Variants in APOOL observed in about 807,000 individuals in gnomAD.
APOOL encodes MICOS complex subunit MIC27.
In APOOL, 12 loss-of-function variants were observed where a neutral mutation model predicts 23.1. That is an observed-to-expected ratio of 0.52 (90% CI 0.33 to 0.84). The LOEUF is 0.84. APOOL is among the 40% of genes least tolerant of loss of function. The pLI is 0.02. For synonymous variants in APOOL, 77 were observed against 69.9 expected (o/e 1.10, Z -0.51); for missense variants, 212 against 199.6 (o/e 1.06, Z -0.37).
Position 85,046,569 on chromosome X carries a change from T to G in APOOL, c.120+19T>G. Reference sequence around the variant, plus strand: ...AGAGCAGGTAATTTGCCTACAAAGGTTTATGAACTTTGTATAATATCAAGA... The same window carrying G: ...AGAGCAGGTAATTTGCCTACAAAGGGTTATGAACTTTGTATAATATCAAGA... On this transcript the variant is annotated intron_variant, in intron 2 of 8. Coordinates refer to ENST00000373173, the MANE Select transcript of APOOL (RefSeq NM_198450.6). The G allele has an allele frequency of 8.9e-7, 1 of 1,118,571 alleles. No homozygotes were observed. Among genetic ancestry groups the G allele is most frequent in the Non-Finnish European group, 1.2e-6 (1 of 817,953 alleles). The allele number at this position is 1,118,571 out of a possible 1,213,427, so 92.2% of individuals were successfully genotyped here.
At chrX:85,006,298 A>C (rs1860767156) in intron 1 of APOOL, among the ~76,000 whole-genome samples, 1 of 101,225 alleles carries the variant, frequency 9.9e-6, no homozygotes, top group Non-Finnish European at 2.0e-5. Context: ...AATCCTCTTG[A>C]TGACCCTAAG....
chrX:85,063,708 A>G (rs1201321109), intron 5 of APOOL, among the ~76,000 whole-genome samples: 2 of 111,624 alleles, frequency 1.8e-5, no homozygotes, highest in African/African-American at 6.5e-5. Context: ...CATCCCAGGG[A>G]TGAAGCCAAC....
intron 1 of APOOL, among the ~76,000 whole-genome samples, chrX:85,024,962 G>T (rs773837406): frequency 9.8e-5 from 11 of 111,992 alleles, no homozygotes; most frequent in Non-Finnish European, 1.9e-4. Flanking sequence ...ACTGTGTTAG[G>T]CCATTTGTGC....
At chrX:85,079,402 G>T (rs1923992882) in intron 8 of APOOL, among the ~76,000 whole-genome samples, 1 of 111,712 alleles carries the variant, frequency 9.0e-6, no homozygotes, top group African/African-American at 3.3e-5. Context: ...TTATTGATTT[G>T]TGTATGTTGA....
intron 1 of APOOL, among the ~76,000 whole-genome samples, chrX:85,030,104 C>T (rs759464867): frequency 1.8e-5 from 2 of 112,030 alleles, no homozygotes; most frequent in Admixed American, 1.9e-4. Context: ...TGGAACCAAC[C>T]TAAATGCCCA....
chrX:85,046,462 C>T lies in APOOL; in HGVS notation c.32C>T (p.Thr11Ile). Residue 11 changes from threonine to isoleucine, a missense_variant, in exon 2 of 9, where the codon ACC (threonine) becomes ATC (isoleucine). Coordinates refer to ENST00000373173, the MANE Select transcript of APOOL (RefSeq NM_198450.6). Reference protein sequence around the residue: MAAIRMGKLTTMPAGLIYASV... With the variant: MAAIRMGKLTIMPAGLIYASV... ...CTTTCTTAGATGGGAAAACTGACAA[C>T]CATGCCTGCAGGTCTGATATATGCA... 8.3e-7 allele frequency: 1 copy of T among 1,204,188 alleles called. No homozygotes were observed. The highest frequency in any genetic ancestry group is 1.1e-6 in the Non-Finnish European group (1 of 892,448).
At chrX:85,012,462 A>G (rs1224751671) in intron 1 of APOOL, among the ~76,000 whole-genome samples, 1 of 111,020 alleles carries the variant, frequency 9.0e-6, no homozygotes, top group East Asian at 2.8e-4. Flanking sequence ...CCCATTTAGT[A>G]TGGTATTGGC....
intron 6 of APOOL, among the ~76,000 whole-genome samples, chrX:85,072,130 G>T (rs1319361765): frequency 8.1e-5 from 9 of 111,587 alleles, no homozygotes; most frequent in Non-Finnish European, 7.6e-5. Flanking sequence ...ACAAAAAAAA[G>T]AACTCCTATA....
intron 8 of APOOL, among the ~76,000 whole-genome samples, chrX:85,086,560 T>C (rs1924298682): frequency 1.8e-5 from 2 of 111,860 alleles, no homozygotes; most frequent in Non-Finnish European, 1.9e-5. Context: ...ATCCAGAATC[T>C]GGTACCTTTT....
intron 1 of APOOL, among the ~76,000 whole-genome samples, chrX:85,013,627 T>C (rs1475558845): frequency 8.9e-6 from 1 of 111,933 alleles, no homozygotes; most frequent in Non-Finnish European, 1.9e-5. Context: ...ATTTGTATAG[T>C]TTTGAGGGTT....
At chrX:85,007,550 A>G (rs974912446) in intron 1 of APOOL, among the ~76,000 whole-genome samples, 3 of 111,718 alleles carry the variant, frequency 2.7e-5, no homozygotes, top group African/African-American at 9.8e-5. Context: ...ATTTCTAATA[A>G]TTGCAAAGTA....
chrX:85,077,061 GTATATATATATATACATA>G (rs1223795370), intron 8 of APOOL, among the ~76,000 whole-genome samples: 8 of 61,971 alleles, frequency 1.3e-4, no homozygotes, highest in African/African-American at 2.8e-4. Context: ...GTATATACAC[GTATATATATATATACATA>G]TATATATATA....
In APOOL at chrX:85,076,995, T is replaced by TTATATATATATATATA. The variant is rs752255967; in HGVS notation, c.718+2611_718+2626dup. On this transcript the variant is annotated intron_variant, in intron 8 of 8. Coordinates refer to ENST00000373173, the MANE Select transcript of APOOL (RefSeq NM_198450.6). Reference sequence around the variant, plus strand: ...TTTTTAGGTGATAAATTTGCTAAACTTATATATATATATATATATATACGT... The same window carrying TTATATATATATATATA: ...TTTTTAGGTGATAAATTTGCTAAACTTATATATATATATATATATATATATATATATATATATACGT... Among the ~76,000 whole-genome samples, 144 of 82,450 alleles carry TTATATATATATATATA rather than the reference T, an allele frequency of 1.7e-3. 1 individual carries two copies. Among genetic ancestry groups the TTATATATATATATATA allele is most frequent in the African/African-American group, 7.2e-3 (139 of 19,177 alleles). The allele number at this position is 82,450 out of a possible 115,157, so 71.6% of individuals were successfully genotyped here.
At chrX:85,077,268 C>G (rs771906436) in intron 8 of APOOL, among the ~76,000 whole-genome samples, 20 of 106,717 alleles carry the variant, frequency 1.9e-4, no homozygotes, top group African/African-American at 6.5e-4. Flanking sequence ...GCCCCCCACC[C>G]CACAACAGGC....
At position 85,051,519 on chromosome X, in the gene APOOL, T is replaced by G; in HGVS notation, c.240+11T>G. 8.3e-7 allele frequency: 1 copy of G among 1,211,145 alleles called. No homozygotes were observed. Among genetic ancestry groups the G allele is most frequent in the Non-Finnish European group, 1.1e-6 (1 of 894,954 alleles). On this transcript the variant is annotated intron_variant, in intron 3 of 8. Coordinates refer to ENST00000373173, the MANE Select transcript of APOOL (RefSeq NM_198450.6). ...ATTGGCTGGTGCAAGGTAAGTCAAT[T>G]CTGATAGTGGTTTAATATCAGAGAT...
chrX:85,042,589 C>A (rs1922435923), intron 1 of APOOL, among the ~76,000 whole-genome samples: 1 of 112,115 alleles, frequency 8.9e-6, no homozygotes, highest in South Asian at 3.7e-4. Context: ...CTTCCAAACT[C>A]ATTCTACAAG....
chrX:85,058,321 G>A (rs1447462766), intron 5 of APOOL, among the ~76,000 whole-genome samples: 1 of 110,815 alleles, frequency 9.0e-6, no homozygotes, highest in East Asian at 2.9e-4. Flanking sequence ...AGAATGTGCA[G>A]TGTTTGGTTT....
At chrX:85,018,449 G>T (rs1399471580) in intron 1 of APOOL, among the ~76,000 whole-genome samples, 1 of 111,635 alleles carries the variant, frequency 9.0e-6, no homozygotes, top group African/African-American at 3.3e-5. Flanking sequence ...CTGCTCCCAT[G>T]ATCCAGTAAC....
intron 8 of APOOL, among the ~76,000 whole-genome samples, chrX:85,084,521 G>A (rs1226268060): frequency 3.7e-5 from 4 of 108,904 alleles, no homozygotes; most frequent in African/African-American, 1.4e-4. Context: ...ATTACTTGAG[G>A]GTTTTTTTTT....
Sources: gnomAD v4.1 joint callset for allele counts (sites outside exome capture counted in the v4.1 genomes callset) on GRCh38, gnomAD v4.1.1 for gene constraint, MANE v1.5 for transcripts, NCBI Gene and HGNC (gene_info 2026-07-23, HGNC 2026-07-21) for gene names.